The following NR3C2 variants were observed in gnomAD, a reference collection of about 807,000 sequenced individuals.
NR3C2 encodes the protein nuclear receptor subfamily 3 group C member 2, also known as mineralocorticoid receptor.
A neutral mutation model predicts 86.4 loss-of-function variants in NR3C2; 15 were observed. The observed-to-expected ratio is 0.17, with a 90% CI of 0.12 to 0.27. The LOEUF (loss-of-function observed/expected upper bound fraction) is 0.27, where lower values mean the gene tolerates loss of function less well. NR3C2 is among the 10% of genes least tolerant of loss of function. The probability of loss-of-function intolerance (pLI) is 1.00; values close to 1 mark genes in which losing one functional copy is unlikely to be tolerated. For missense variants in NR3C2, 960 were observed against 1,195.6 expected (o/e 0.80, Z 2.91); for synonymous variants, 458 against 450.5 (o/e 1.02, Z -0.21).
chr4:148,341,482 T>A (rs1744747040), intron 2 of NR3C2, among the ~76,000 whole-genome samples: 1 of 151,910 alleles, frequency 6.6e-6, no homozygotes, highest in African/African-American at 2.4e-5. Flanking sequence ...CGAAGAGAGG[T>A]TGGTTAATGA....
intron 2 of NR3C2, among the ~76,000 whole-genome samples, chr4:148,370,010 G>A (rs571063075): frequency 2.0e-5 from 3 of 152,254 alleles, no homozygotes; most frequent in East Asian, 1.9e-4. Context: ...CCTGTATTCC[G>A]AGATGATGCA....
At chr4:148,249,279 G>C (rs1739460941) in intron 3 of NR3C2, among the ~76,000 whole-genome samples, 1 of 151,846 alleles carries the variant, frequency 6.6e-6, no homozygotes, top group Non-Finnish European at 1.5e-5. Flanking sequence ...TGAGAGGAAG[G>C]AGGAGGTATT....
At chr4:148,358,664 G>A (rs940069559) in intron 2 of NR3C2, among the ~76,000 whole-genome samples, 14 of 151,676 alleles carry the variant, frequency 9.2e-5, no homozygotes, top group Admixed American at 5.3e-4. Context: ...CCATATCTCC[G>A]TTCTTTTTTG....
At chr4:148,323,252 G>A (rs1476943022) in intron 2 of NR3C2, among the ~76,000 whole-genome samples, 2 of 140,712 alleles carry the variant, frequency 1.4e-5, no homozygotes, top group Non-Finnish European at 3.0e-5. Flanking sequence ...ATCTCCAGCT[G>A]CGTGCTGGGA....
chr4:148,141,307 G>A (rs551254353), intron 6 of NR3C2, among the ~76,000 whole-genome samples: 34 of 152,090 alleles, frequency 2.2e-4, no homozygotes, highest in African/African-American at 7.2e-4. Context: ...GGTGGCAGGC[G>A]TCTGTAGTCC....
At chr4:148,224,078 T>C (rs1738011277) in intron 3 of NR3C2, among the ~76,000 whole-genome samples, 1 of 149,456 alleles carries the variant, frequency 6.7e-6, no homozygotes, top group Non-Finnish European at 1.5e-5. Context: ...GACCAGAGAG[T>C]CAAGAATCTC....
chr4:148,300,579 T>C (rs545064180), intron 2 of NR3C2, among the ~76,000 whole-genome samples: 334 of 142,960 alleles, frequency 2.3e-3, no homozygotes, highest in African/African-American at 8.3e-3. Flanking sequence ...CCATTTTGCC[T>C]TGCTACTCAT....
chr4:148,405,259 C>G (rs1272207988), intron 2 of NR3C2, among the ~76,000 whole-genome samples: 2 of 152,194 alleles, frequency 1.3e-5, no homozygotes, highest in African/African-American at 4.8e-5. Flanking sequence ...AGCCATAACC[C>G]TTTTCTCTCC....
chr4:148,201,688 G>T (rs1322603780), intron 3 of NR3C2, among the ~76,000 whole-genome samples: 1 of 152,110 alleles, frequency 6.6e-6, no homozygotes, highest in African/African-American at 2.4e-5. Flanking sequence ...AGGACTTCTG[G>T]CATATCTCCC....
intron 3 of NR3C2, among the ~76,000 whole-genome samples, chr4:148,222,335 G>A (rs932048608): frequency 6.6e-6 from 1 of 152,050 alleles, no homozygotes; most frequent in Non-Finnish European, 1.5e-5. Flanking sequence ...CTTAGGAGGG[G>A]GCCCTGTGCT....
intron 2 of NR3C2, among the ~76,000 whole-genome samples, chr4:148,401,117 G>C (rs1748138842): frequency 6.6e-6 from 1 of 152,086 alleles, no homozygotes; most frequent in Non-Finnish European, 1.5e-5. Flanking sequence ...CACCAAGTAG[G>C]CATTATAATC....
At chr4:148,107,469 C>T (rs899157241) in intron 8 of NR3C2, among the ~76,000 whole-genome samples, 1 of 152,140 alleles carries the variant, frequency 6.6e-6, no homozygotes, top group Non-Finnish European at 1.5e-5. Context: ...CCAGAAATAC[C>T]ATTTGACTCA....
chr4:148,305,737 A>T (rs1344389321), intron 2 of NR3C2, among the ~76,000 whole-genome samples: 1 of 152,220 alleles, frequency 6.6e-6, no homozygotes, highest in Non-Finnish European at 1.5e-5. Flanking sequence ...TGGGACTTGC[A>T]GGCGTTAACT....
Position 148,199,241 on chromosome 4 carries a change from C to T in NR3C2, c.1898-4379G>A, listed in dbSNP as rs149539161. ...AAGAGTCCAGCTGAGCCAAGACAAA[C>T]GCCATTCAGCTCCGAACCCATCTTT... On this transcript the variant is annotated intron_variant, in intron 3 of 8. Coordinates refer to ENST00000358102, the MANE Select transcript of NR3C2 (RefSeq NM_000901.5). Among the ~76,000 whole-genome samples, 1,231 of 152,096 alleles carry T rather than the reference C, an allele frequency of 8.1e-3. 17 individuals carry two copies. The highest frequency in any genetic ancestry group is 0.01 in the Non-Finnish European group (695 of 67,986).
intron 6 of NR3C2, among the ~76,000 whole-genome samples, chr4:148,139,239 A>T (rs1398666804): frequency 6.6e-6 from 1 of 152,196 alleles, no homozygotes; most frequent in East Asian, 1.9e-4. Context: ...TAGAAGCCTT[A>T]TGTAGCTAAA....
intron 3 of NR3C2, among the ~76,000 whole-genome samples, chr4:148,254,951 T>TGTA: frequency 1.3e-5 from 2 of 152,314 alleles, no homozygotes; most frequent in East Asian, 3.9e-4. Context: ...TAACTGTACA[T>TGTA]TGCCAGCTAT....
At chr4:148,085,577 A>G (rs1578864352) in intron 8 of NR3C2, among the ~76,000 whole-genome samples, 1 of 152,332 alleles carries the variant, frequency 6.6e-6, no homozygotes, top group South Asian at 2.1e-4. Flanking sequence ...ATCACAATTA[A>G]AAGAACTAGA....
At chr4:148,105,828 C>G (rs2149721037) in intron 8 of NR3C2, among the ~76,000 whole-genome samples, 1 of 152,280 alleles carries the variant, frequency 6.6e-6, no homozygotes, top group South Asian at 2.1e-4. Flanking sequence ...AATTCAACAT[C>G]CCTTCATGTT....
rs567508776 is a variant in NR3C2, at chr4:148,191,521, G to A, written c.2014+3225C>T. 2.0e-3 allele frequency among the ~76,000 whole-genome samples: 298 copies of A among 152,340 alleles called. 1 individual carries two copies. In the Middle Eastern group the frequency reaches 0.027, roughly 14 times the overall value. The stretch of plus-strand genomic sequence containing the variant: ...TTCTTTGTGCTTCTTATATTTGGAT[G>A]TTGAAGTCTCCTGCAAGACCGGGGA... On this transcript the variant is annotated intron_variant, in intron 4 of 8. Transcript: ENST00000358102.
Sources: gnomAD v4.1 joint callset for allele counts (sites outside exome capture counted in the v4.1 genomes callset) on GRCh38, gnomAD v4.1.1 for gene constraint, MANE v1.5 for transcripts, NCBI Gene and HGNC (gene_info 2026-07-23, HGNC 2026-07-21) for gene names.